Variants in ATRNL1 observed in about 807,000 individuals in gnomAD.
ATRNL1 encodes attractin-like protein 1.
In ATRNL1, 95 loss-of-function variants were observed where a neutral mutation model predicts 182.7. That is an observed-to-expected ratio of 0.52 (90% CI 0.44 to 0.62). ATRNL1 has a LOEUF of 0.62. Ranked by LOEUF, ATRNL1 falls within the 20% of genes least tolerant of loss-of-function variation. The pLI is 0.00. For synonymous variants in ATRNL1, 576 were observed against 568.3 expected, an observed-to-expected ratio of 1.01 and a Z score of -0.19; for missense variants, 1,471 against 1,679.5, an observed-to-expected ratio of 0.88 and a Z score of 2.17.
At chr10:115,523,896 T>G (rs1554985904) in intron 25 of ATRNL1, among the ~76,000 whole-genome samples, 1 of 152,210 alleles carries the variant, frequency 6.6e-6, no homozygotes. Flanking sequence ...TCCATTTGCA[T>G]TGCTGTAAAA....
intron 19 of ATRNL1, 26 bp downstream of exon 19, chr10:115,334,445 G>T (rs782735221): frequency 4.0e-6 from 6 of 1,495,602 alleles, no homozygotes; most frequent in Non-Finnish European, 5.4e-6. Context: ...GCAAATTTTG[G>T]TGTATTTTTA....
intron 14 of ATRNL1, 97 bp downstream of exon 14, chr10:115,281,584 T>C: frequency 8.0e-7 from 1 of 1,253,242 alleles, no homozygotes; most frequent in Non-Finnish European, 1.1e-6. Flanking sequence ...TTTCTAAAAT[T>C]AAAGTCATAG....
intron 26 of ATRNL1, among the ~76,000 whole-genome samples, chr10:115,676,332 A>G (rs1945859603): frequency 6.6e-6 from 1 of 152,062 alleles, no homozygotes; most frequent in South Asian, 2.1e-4. Flanking sequence ...ATTAAAGAAA[A>G]CAGTTAATAA....
chr10:115,251,848 G>C (rs116302875), intron 10 of ATRNL1, among the ~76,000 whole-genome samples: 1 of 152,080 alleles, frequency 6.6e-6, no homozygotes, highest in African/African-American at 2.4e-5. Context: ...ACCTCTTGTG[G>C]CATCCTTGTC....
chr10:115,123,797 C>T (rs1029490164), intron 3 of ATRNL1, among the ~76,000 whole-genome samples: 3 of 152,236 alleles, frequency 2.0e-5, no homozygotes, highest in Admixed American at 1.3e-4. Flanking sequence ...ACTGCCTGAG[C>T]TCCACCTTCT....
chr10:115,121,612 T>C, intron 2 of ATRNL1, 87 bp from the exon 3 acceptor site: 2 of 449,066 alleles, frequency 4.5e-6, no homozygotes, highest in Non-Finnish European at 7.5e-6. Flanking sequence ...ACTCTGTGCT[T>C]TGTATATTAT....
At chr10:115,620,463 C>T (rs1366660696) in intron 26 of ATRNL1, among the ~76,000 whole-genome samples, 20 of 152,128 alleles carry the variant, frequency 1.3e-4, no homozygotes, top group African/African-American at 4.8e-4. Flanking sequence ...TTTTAAGCTG[C>T]TTATATAATT....
chr10:115,936,687 A>T (rs1351058486), intron 28 of ATRNL1, among the ~76,000 whole-genome samples: 2 of 152,238 alleles, frequency 1.3e-5, no homozygotes, highest in African/African-American at 2.4e-5. Flanking sequence ...TACCAAATGA[A>T]AAATAAAATA....
At chr10:115,771,473 G>A (rs970002154) in intron 27 of ATRNL1, among the ~76,000 whole-genome samples, 4 of 152,108 alleles carry the variant, frequency 2.6e-5, no homozygotes, top group Admixed American at 2.0e-4. Flanking sequence ...CTCGTGATCC[G>A]CCCGCCTAGG....
chr10:115,914,672 A>G (rs1229359891), intron 28 of ATRNL1, among the ~76,000 whole-genome samples: 2 of 152,176 alleles, frequency 1.3e-5, no homozygotes, highest in African/African-American at 4.8e-5. Flanking sequence ...GCTACATCAT[A>G]GTCATCACTG....
intron 14 of ATRNL1, among the ~76,000 whole-genome samples, chr10:115,282,871 A>C (rs1564878558): frequency 6.6e-6 from 1 of 151,612 alleles, no homozygotes; most frequent in Non-Finnish European, 1.5e-5. Context: ...CAGAATGTGC[A>C]GGTTTGTTAC....
intron 26 of ATRNL1, among the ~76,000 whole-genome samples, chr10:115,682,675 GA>G (rs1946087912): frequency 6.6e-6 from 1 of 151,398 alleles, no homozygotes; most frequent in African/African-American, 2.4e-5. Flanking sequence ...TACATATGAT[GA>G]TGATGATGAT....
chr10:115,473,330 A>G (rs919856241), intron 24 of ATRNL1, among the ~76,000 whole-genome samples: 2 of 150,972 alleles, frequency 1.3e-5, no homozygotes, highest in African/African-American at 4.9e-5. Flanking sequence ...TATGTTCCCT[A>G]TGGTAAGCTG....
At chr10:115,931,922 G>A (rs144203813) in intron 28 of ATRNL1, among the ~76,000 whole-genome samples, 181 of 152,270 alleles carry the variant, frequency 1.2e-3, no homozygotes, top group African/African-American at 4.1e-3. Context: ...AAATACCATG[G>A]AGTGGATGCA....
At chr10:115,736,718 C>T (rs2134085113) in intron 27 of ATRNL1, among the ~76,000 whole-genome samples, 1 of 152,264 alleles carries the variant, frequency 6.6e-6, no homozygotes, top group South Asian at 2.1e-4. Context: ...GTCACTTCTT[C>T]CAGGGTCTCT....
intron 28 of ATRNL1, among the ~76,000 whole-genome samples, chr10:115,899,664 T>C (rs1433641632): frequency 1.3e-5 from 2 of 152,132 alleles, no homozygotes; most frequent in Non-Finnish European, 2.9e-5. Context: ...CATATAGCTA[T>C]ATGTATTTTT....
At chr10:115,940,153 C>A (rs1953683655) in intron 28 of ATRNL1, among the ~76,000 whole-genome samples, 1 of 152,128 alleles carries the variant, frequency 6.6e-6, no homozygotes, top group Admixed American at 6.6e-5. Flanking sequence ...AAAAGGGAAG[C>A]TTCAGGTGTG....
At chr10:115,379,832 CT>C (rs1425877004) in intron 19 of ATRNL1, among the ~76,000 whole-genome samples, 1 of 151,934 alleles carries the variant, frequency 6.6e-6, no homozygotes, top group Non-Finnish European at 1.5e-5. Context: ...AACTTTATAC[CT>C]TTTTTTCTTT....
intron 26 of ATRNL1, among the ~76,000 whole-genome samples, chr10:115,675,909 A>G (rs529154362): frequency 6.6e-6 from 1 of 152,244 alleles, no homozygotes; most frequent in African/African-American, 2.4e-5. Flanking sequence ...CAGTAAGTCG[A>G]GATCGCAGGA....
Sources: allele counts gnomAD v4.1 joint callset (sites outside exome capture counted in the v4.1 genomes callset), GRCh38; gene constraint gnomAD v4.1.1; transcripts MANE v1.5; gene names NCBI Gene and HGNC (gene_info 2026-07-23, HGNC 2026-07-21).